MAP3K7CL: variants seen among roughly 807,000 people sequenced by gnomAD.
MAP3K7CL encodes MAP3K7 C-terminal-like protein.
A neutral mutation model predicts 18.6 loss-of-function variants in MAP3K7CL; 16 were observed. That is an observed-to-expected ratio of 0.86 (90% CI 0.58 to 1.31). The LOEUF is 1.31. Ranked by LOEUF, MAP3K7CL falls within the 50% of genes most tolerant of loss-of-function variation. MAP3K7CL has a pLI of 0.00. For synonymous variants in MAP3K7CL, 65 were observed against 66.8 expected, an observed-to-expected ratio of 0.97 and a Z score of 0.13; for missense variants, 163 against 174.4, an observed-to-expected ratio of 0.93 and a Z score of 0.37.
At chr21:29,141,530 A>C (rs2146658354) in intron 2 of MAP3K7CL, among the ~76,000 whole-genome samples, 1 of 146,130 alleles carries the variant, frequency 6.8e-6, no homozygotes, top group South Asian at 2.2e-4. Context: ...AAAAAAAAAA[A>C]AAGAGAGAAA....
chr21:29,123,065 T>A (rs1330326957), intron 4 of MAP3K7CL, among the ~76,000 whole-genome samples: 3 of 145,224 alleles, frequency 2.1e-5, no homozygotes, highest in Non-Finnish European at 3.0e-5. Flanking sequence ...CTTTTTTTTT[T>A]TTTTTTTTTT....
At chr21:29,103,549 G>C (rs1364146467) in intron 4 of MAP3K7CL, among the ~76,000 whole-genome samples, 2 of 152,280 alleles carry the variant, frequency 1.3e-5, no homozygotes, top group Non-Finnish European at 2.9e-5. Context: ...TGGCCAACGT[G>C]ATGAAACCCT....
At chr21:29,172,316 T>A (rs1371209510) in intron 4 of MAP3K7CL, among the ~76,000 whole-genome samples, 1 of 149,858 alleles carries the variant, frequency 6.7e-6, no homozygotes, top group African/African-American at 2.5e-5. Flanking sequence ...AGGTTAACAA[T>A]TTTGTAGAAT....
At chr21:29,159,730 A>G (rs2087495887) in intron 3 of MAP3K7CL, among the ~76,000 whole-genome samples, 2 of 152,046 alleles carry the variant, frequency 1.3e-5, no homozygotes. Context: ...ACACTGGGAG[A>G]TGAATGTGGA....
intron 2 of MAP3K7CL, chr21:29,145,523 G>A (rs2087109393): frequency 6.6e-6 from 1 of 152,136 alleles, no homozygotes; most frequent in Non-Finnish European, 1.5e-5. Flanking sequence ...CCTGCTTTTA[G>A]AATATTTGCC....
intron 2 of MAP3K7CL, among the ~76,000 whole-genome samples, chr21:29,141,024 A>G (rs2086995017): frequency 6.6e-6 from 1 of 152,080 alleles, no homozygotes; most frequent in Admixed American, 6.6e-5. Flanking sequence ...CAATCCACTC[A>G]CGTCAGCCTC....
At chr21:29,111,181 G>A (rs369471882) in intron 4 of MAP3K7CL, among the ~76,000 whole-genome samples, 26 of 151,520 alleles carry the variant, frequency 1.7e-4, no homozygotes, top group African/African-American at 6.1e-4. Context: ...GCTTGAACCC[G>A]GAAGGTGGAG....
chr21:29,103,308 A>G (rs2086264853), intron 4 of MAP3K7CL, among the ~76,000 whole-genome samples: 1 of 152,102 alleles, frequency 6.6e-6, no homozygotes, highest in Admixed American at 6.6e-5. Flanking sequence ...AGGAAGGTTC[A>G]TGGCTGGGCA....
At chr21:29,171,824 AAAAAAC>A (rs1431038519) in intron 4 of MAP3K7CL, among the ~76,000 whole-genome samples, 1 of 151,522 alleles carries the variant, frequency 6.6e-6, no homozygotes, top group African/African-American at 2.4e-5. Flanking sequence ...AAAAAAAAAA[AAAAAAC>A]AACACTCCCA....
At chr21:29,094,249 C>A (rs978062816) in intron 4 of MAP3K7CL, among the ~76,000 whole-genome samples, 2 of 152,200 alleles carry the variant, frequency 1.3e-5, no homozygotes, top group Admixed American at 6.5e-5. Flanking sequence ...CAGCTTCCCG[C>A]AACAACAATT....
rs137944540 is a variant in MAP3K7CL at position 29,113,583 on chromosome 21, T to C, written c.370+21002T>C. 7.9e-4 allele frequency among the ~76,000 whole-genome samples: 120 copies of C among 152,242 alleles called. 2 individuals carry two copies. The East Asian group carries it at 0.023, about 29-fold the overall frequency. On this transcript the variant is annotated intron_variant, in intron 4 of 6. Coordinates refer to the MAP3K7CL transcript ENST00000286791. ...ATTCTTGTGCCAGGCTGGAGTGCAG[T>C]GGCACAATCTCAGCTCACTGCAACC...
At chr21:29,130,121 T>A (rs1459076264), upstream of MAP3K7CL, among the ~76,000 whole-genome samples, 1 of 152,256 alleles carries the variant, frequency 6.6e-6, no homozygotes. Flanking sequence ...CTTCTCCTAA[T>A]ATTTATTTTG....
chr21:29,155,678 C>T (rs2251087), intron 3 of MAP3K7CL, among the ~76,000 whole-genome samples: 45,975 of 152,068 alleles, frequency 0.3, 7,969 homozygotes, highest in Non-Finnish European at 0.38. Context: ...CCAGAGATAG[C>T]AGCAGCTCCT....
intron 4 of MAP3K7CL, among the ~76,000 whole-genome samples, chr21:29,120,791 C>T (rs983846535): frequency 6.6e-6 from 1 of 151,458 alleles, no homozygotes; most frequent in Non-Finnish European, 1.5e-5. Flanking sequence ...ATAGGCTGGG[C>T]ATGGTGGCTC....
intron 4 of MAP3K7CL, among the ~76,000 whole-genome samples, chr21:29,124,353 C>CAA (rs59499297): frequency 3.6e-3 from 285 of 78,334 alleles, no homozygotes; most frequent in Middle Eastern, 0.014. Flanking sequence ...GACTCCGTCT[C>CAA]AAAAAAAAAA....
At chr21:29,158,769 G>T (rs113867903) in intron 3 of MAP3K7CL, among the ~76,000 whole-genome samples, 3 of 115,148 alleles carry the variant, frequency 2.6e-5, no homozygotes, top group East Asian at 2.6e-4. Flanking sequence ...TTTATATATA[G>T]AGAGAGACCA....
Position 29,175,157 on chromosome 21 carries a change from AGGAAGATATGATCATGCTGTACAACAG to A in MAP3K7CL, c.*268_*294del. 1 of 298,144 alleles carries A rather than the reference AGGAAGATATGATCATGCTGTACAACAG, an allele frequency of 3.4e-6. No individual in the cohort carries two copies. The highest frequency in any genetic ancestry group is 6.2e-6 in the Non-Finnish European group (1 of 160,194). 18.5% of individuals were successfully genotyped at this position (298,144 alleles called of 1,614,324 possible). A position where few individuals can be genotyped will look rare whatever the true frequency, so the allele number is the denominator to read the frequency against. On this transcript the variant is annotated 3_prime_UTR_variant, in exon 5 of 5. Coordinates refer to ENST00000399928, the MANE Select transcript of MAP3K7CL (RefSeq NM_001286620.2). Reference sequence around the variant, plus strand: ...AAAGATATATGTTTTTTTCTTTTTTAGGAAGATATGATCATGCTGTACAACAGGGTAGAAAATGATAAAAATAGACTA... The same window carrying A: ...AAAGATATATGTTTTTTTCTTTTTTAGGTAGAAAATGATAAAAATAGACTA...
At chr21:29,130,178 A>G (rs1472131462), upstream of MAP3K7CL, among the ~76,000 whole-genome samples, 1 of 152,206 alleles carries the variant, frequency 6.6e-6, no homozygotes, top group African/African-American at 2.4e-5. Flanking sequence ...TTAAGTACCA[A>G]TGACATCCAG....
At chr21:29,150,010 C>T (rs2087232761) in intron 3 of MAP3K7CL, among the ~76,000 whole-genome samples, 1 of 152,182 alleles carries the variant, frequency 6.6e-6, no homozygotes, top group South Asian at 2.1e-4. Context: ...GAATCCTGTA[C>T]ACAGACATTT....
Sources: gnomAD v4.1 joint callset for allele counts (sites outside exome capture counted in the v4.1 genomes callset) on GRCh38, gnomAD v4.1.1 for gene constraint, MANE v1.5 for transcripts, NCBI Gene and HGNC (gene_info 2026-07-23, HGNC 2026-07-21) for gene names.